The following WIPF3 variants were observed in gnomAD, a reference collection of about 807,000 sequenced individuals.
The protein encoded by WIPF3 is WAS/WASL-interacting protein family member 3.
A neutral mutation model predicts 38.9 loss-of-function variants in WIPF3; 33 were observed. The ratio of observed to expected loss-of-function variants is 0.85; its 90% CI spans 0.64 to 1.14. The LOEUF (loss-of-function observed/expected upper bound fraction) is 1.14, where lower values mean the gene tolerates loss of function less well. Ranked by LOEUF, WIPF3 falls within the 50% of genes most tolerant of loss-of-function variation. The pLI, the probability that WIPF3 is intolerant of heterozygous loss-of-function variation, is 0.00. For missense variants in WIPF3, 711 were observed against 652.5 expected (o/e 1.09, Z -0.98); for synonymous variants, 324 against 269.3 (o/e 1.20, Z -1.99).
intron 6 of WIPF3, among the ~76,000 whole-genome samples, chr7:29,888,492 TGCGTGTGC>T (rs1211363226): frequency 7.5e-6 from 1 of 132,772 alleles, no homozygotes; most frequent in Non-Finnish European, 1.6e-5. Context: ...TGAGTGTGTG[TGCGTGTGC>T]GTGTGTGTGC....
At chr7:29,820,102 C>T (rs1052421041) in intron 1 of WIPF3, among the ~76,000 whole-genome samples, 37 of 152,152 alleles carry the variant, frequency 2.4e-4, no homozygotes, top group African/African-American at 8.7e-4. Flanking sequence ...CCATAAAAGT[C>T]TTGATCTGAA....
intron 5 of WIPF3, among the ~76,000 whole-genome samples, chr7:29,885,930 G>A (rs1308661794): frequency 6.6e-6 from 1 of 151,922 alleles, no homozygotes; most frequent in African/African-American, 2.4e-5. Flanking sequence ...ACGTTTACAT[G>A]GTTAATACCA....
At position 29,834,787 on chromosome 7, in the gene WIPF3, T is replaced by A; in HGVS notation, c.63T>A (p.Pro21=). The change falls in exon 2 of 9, where the codon CCT becomes CCA. Residue 21 remains proline, a synonymous_variant. Coordinates refer to ENST00000242140, the MANE Select transcript of WIPF3 (RefSeq NM_001080529.3). ...LPPPPPPLGA[P]PPPPPSAPPV... is the part of the protein sequence containing the mutation. ...CACCTCCCCCGCCTCTGGGGGCTCCTCCCCCTCCCCCACCATCAGCACCCC... is the reference window on the plus strand; with the variant it reads ...CACCTCCCCCGCCTCTGGGGGCTCCACCCCCTCCCCCACCATCAGCACCCC... 1.9e-6 allele frequency: 2 copies of A among 1,029,694 alleles called. No individual in the cohort carries two copies. The highest frequency in any genetic ancestry group is 2.4e-6 in the Non-Finnish European group (2 of 820,044). 63.8% of individuals were successfully genotyped at this position (1,029,694 alleles called of 1,614,324 possible).
chr7:29,823,907 C>T lies in WIPF3; in HGVS notation c.-57-10761C>T, dbSNP rs894933147. 5.3e-5 allele frequency among the ~76,000 whole-genome samples: 8 copies of T among 152,170 alleles called. No individual in the cohort carries two copies. Among genetic ancestry groups the T allele is most frequent in the South Asian group, 2.1e-4 (1 of 4,820 alleles). On this transcript the variant is annotated intron_variant, in intron 1 of 8. Coordinates refer to ENST00000242140, the MANE Select transcript of WIPF3 (RefSeq NM_001080529.3). The surrounding 1 kb of genome is among the most constrained non-coding windows in gnomAD (Gnocchi z 4.0). ...CTGAGGCCTCCCCAGAAGCAGATGC[C>T]GTTATGCTTCCTGTACAGCCTGCAG...
chr7:29,858,192 A>C (rs1186334810), intron 2 of WIPF3, among the ~76,000 whole-genome samples: 1 of 152,240 alleles, frequency 6.6e-6, no homozygotes, highest in Non-Finnish European at 1.5e-5. Context: ...CATCAAAGGC[A>C]GTTGATGATG....
intron 1 of WIPF3, among the ~76,000 whole-genome samples, chr7:29,817,399 T>C (rs888795047): frequency 6.6e-6 from 1 of 152,158 alleles, no homozygotes; most frequent in Non-Finnish European, 1.5e-5. Flanking sequence ...CCTTTTCTTC[T>C]ATACATTTTA....
intron 2 of WIPF3, among the ~76,000 whole-genome samples, chr7:29,853,234 C>T (rs1222901427): frequency 6.6e-6 from 1 of 152,226 alleles, no homozygotes; most frequent in Non-Finnish European, 1.5e-5. Context: ...CAGGCACTTT[C>T]CCCATCTGTC....
At chr7:29,885,719 G>A (rs1250180789) in intron 5 of WIPF3, among the ~76,000 whole-genome samples, 1 of 152,184 alleles carries the variant, frequency 6.6e-6, no homozygotes, top group Admixed American at 6.5e-5. Context: ...GGGAGGCTAA[G>A]GCAGGAGGAT....
At chr7:29,813,234 C>T (rs997375829) in intron 1 of WIPF3, among the ~76,000 whole-genome samples, 1 of 152,190 alleles carries the variant, frequency 6.6e-6, no homozygotes, top group African/African-American at 2.4e-5. Context: ...ATGTGGGTCC[C>T]CAAATTGATA....
chr7:29,900,377 G>T (rs1004487655), intron 7 of WIPF3, among the ~76,000 whole-genome samples: 3 of 152,192 alleles, frequency 2.0e-5, no homozygotes, highest in African/African-American at 7.2e-5. Context: ...TAAATTGCAA[G>T]TTGTCAGGAG....
At chr7:29,895,293 T>C (rs1028485812) in intron 7 of WIPF3, among the ~76,000 whole-genome samples, 1 of 152,178 alleles carries the variant, frequency 6.6e-6, no homozygotes, top group East Asian at 1.9e-4. Context: ...GTGAAACATA[T>C]AATTACCATT....
At chr7:29,834,634 C>T (rs571858308) in intron 1 of WIPF3, 34 bp from the exon 2 acceptor site, 70 of 1,384,746 alleles carry the variant, frequency 5.1e-5, no homozygotes, top group Non-Finnish European at 6.4e-5. Context: ...GTAAAGAAAT[C>T]CAAGTTTAAA....
At chr7:29,875,285 T>C (rs1184271697) in intron 2 of WIPF3, among the ~76,000 whole-genome samples, 1 of 151,984 alleles carries the variant, frequency 6.6e-6, no homozygotes, top group Non-Finnish European at 1.5e-5. Flanking sequence ...AGAGACACAA[T>C]GGGCCCAGCA....
At chr7:29,821,540 T>A (rs1039838525) in intron 1 of WIPF3, among the ~76,000 whole-genome samples, 2 of 152,222 alleles carry the variant, frequency 1.3e-5, no homozygotes, top group Admixed American at 1.3e-4. Context: ...TCTCTCGCCT[T>A]GGCCTCCTAA....
At chr7:29,905,201 T>G (rs191777112) in intron 8 of WIPF3, 23 of 152,242 alleles carry the variant, frequency 1.5e-4, no homozygotes, top group African/African-American at 4.3e-4. Context: ...CAGATAAGTA[T>G]CCCCCTTTTC....
At chr7:29,845,040 T>C (rs1302873793) in intron 2 of WIPF3, among the ~76,000 whole-genome samples, 2 of 151,450 alleles carry the variant, frequency 1.3e-5, no homozygotes, top group African/African-American at 4.8e-5. Context: ...CTTTTTTTTT[T>C]TTTTCTGTGT....
intron 1 of WIPF3, among the ~76,000 whole-genome samples, chr7:29,810,474 GTGAA>G (rs55728973): frequency 0.2 from 30,308 of 151,762 alleles, 3,227 homozygotes; most frequent in African/African-American, 0.27. Flanking sequence ...AATTGTGTGA[GTGAA>G]TGAATGAATG....
At chr7:29,848,807 A>G (rs186453699) in intron 2 of WIPF3, among the ~76,000 whole-genome samples, 6 of 152,310 alleles carry the variant, frequency 3.9e-5, no homozygotes, top group Admixed American at 3.9e-4. Flanking sequence ...GTGGAAAGAC[A>G]TAACAAGATG....
Position 29,888,110 on chromosome 7 carries a change from C to T in WIPF3, c.1142C>T (p.Ala381Val), listed in dbSNP as rs778636621. 13 of 1,613,830 alleles carry T rather than the reference C, an allele frequency of 8.1e-6. No homozygotes were observed. Among genetic ancestry groups the T allele is most frequent in the East Asian group, 4.5e-5 (2 of 44,898 alleles). ...GKLNPPPAPP[A>V]RSPTTELSSK... ...CTAAATCCACCTCCAGCACCCCCTG[C>T]GAGATCACCTACCACAGAGCTTTCA... is the stretch of plus-strand genomic sequence containing the variant. The change falls in exon 6 of 9, where the codon GCG (alanine) becomes GTG (valine). Residue 381 changes from alanine to valine, a missense_variant. Transcript: ENST00000242140.
Sources: allele counts gnomAD v4.1 joint callset (sites outside exome capture counted in the v4.1 genomes callset), GRCh38; gene constraint gnomAD v4.1.1; non-coding constraint Gnocchi (gnomAD v3.1); transcripts MANE v1.5; gene names NCBI Gene and HGNC (gene_info 2026-07-23, HGNC 2026-07-21).